Variants in ZNF423 observed in about 807,000 individuals in gnomAD.
ZNF423 encodes zinc finger protein 423, also known as Ebf-associated zinc finger protein.
ZNF423 carries 12 observed loss-of-function variants against 95.8 expected under a neutral mutation model. The observed-to-expected ratio is 0.13, with a 90% CI of 0.08 to 0.20. The LOEUF (loss-of-function observed/expected upper bound fraction) is 0.20. Among genes scored for constraint, ZNF423 ranks in the 10% least tolerant of loss-of-function variants. ZNF423 has a pLI of 1.00. For missense variants in ZNF423, 1,316 were observed against 1,737.1 expected, an observed-to-expected ratio of 0.76 and a Z score of 4.31; for synonymous variants, 749 against 711.9, an observed-to-expected ratio of 1.05 and a Z score of -0.83.
intron 3 of ZNF423, among the ~76,000 whole-genome samples, chr16:49,693,707 A>G (rs563721887): frequency 3.5e-4 from 54 of 152,300 alleles, no homozygotes; most frequent in Non-Finnish European, 6.2e-4. Flanking sequence ...GAGATGCTCT[A>G]CCTCAGCAAG....
chr16:49,642,773 G>T (rs1364686743), intron 3 of ZNF423, among the ~76,000 whole-genome samples: 1 of 151,840 alleles, frequency 6.6e-6, no homozygotes, highest in Non-Finnish European at 1.5e-5. Flanking sequence ...ATCTACAGGG[G>T]CGTCAGCAGA....
chr16:49,741,215 AG>A (rs1425986841), intron 2 of ZNF423, among the ~76,000 whole-genome samples: 1 of 151,480 alleles, frequency 6.6e-6, no homozygotes, highest in Admixed American at 6.6e-5. Flanking sequence ...TTTTTAAAGA[AG>A]AAAATCCATG....
chr16:49,630,652 G>A (rs1972465370), intron 4 of ZNF423, among the ~76,000 whole-genome samples: 1 of 152,080 alleles, frequency 6.6e-6, no homozygotes, highest in African/African-American at 2.4e-5. Flanking sequence ...CTGGTCCAGA[G>A]GCATGCAGGG....
Position 49,657,049 on chromosome 16 carries a change from T to C in ZNF423, c.302-18175A>G, listed in dbSNP as rs545700502. On this transcript the variant is annotated intron_variant, in intron 3 of 7. Transcript: ENST00000563137. ...GGGAAAGAGAGGGAGTGACACCCGT[T>C]CAGGGGCACAAGCATTCTGCCAAGG... 3.9e-5 allele frequency among the ~76,000 whole-genome samples: 6 copies of C among 152,230 alleles called. No individual in the cohort carries two copies. In the South Asian group the frequency reaches 1.2e-3, roughly 32 times the overall value.
chr16:49,528,347 C>G (rs554943495), intron 5 of ZNF423, among the ~76,000 whole-genome samples: 1 of 152,288 alleles, frequency 6.6e-6, no homozygotes, highest in East Asian at 1.9e-4. Context: ...AATATGTGCA[C>G]AGTCAGGCAG....
intron 5 of ZNF423, among the ~76,000 whole-genome samples, chr16:49,544,128 T>C (rs1012216488): frequency 8.5e-5 from 13 of 152,218 alleles, no homozygotes; most frequent in Admixed American, 6.5e-5. Flanking sequence ...CCAGGTATTG[T>C]GCTAAGCAGT....
intron 7 of ZNF423, among the ~76,000 whole-genome samples, chr16:49,520,156 T>C (rs1271275409): frequency 1.3e-5 from 2 of 152,188 alleles, no homozygotes; most frequent in East Asian, 3.9e-4. Context: ...TTCTTCATCT[T>C]TTCACCACTG....
chr16:49,635,585 G>T lies in ZNF423; in HGVS notation c.3516+75C>A. ...GCTTCTTGGAAACACGGCACTCAGGGTACGTGGCTCCTGTGGGGACCAGAG... is the reference window on the plus strand; with the variant it reads ...GCTTCTTGGAAACACGGCACTCAGGTTACGTGGCTCCTGTGGGGACCAGAG... On this transcript the variant is annotated intron_variant, in intron 4 of 7. Transcript: ENST00000563137. The surrounding 1 kb of genome is among the most constrained non-coding windows in gnomAD (Gnocchi z 4.8). The T allele has an allele frequency of 6.7e-7, 1 of 1,487,580 alleles. No homozygotes were observed. The highest frequency in any genetic ancestry group is 1.4e-5 in the South Asian group (1 of 71,448). 92.1% of individuals were successfully genotyped at this position (1,487,580 alleles called of 1,614,324 possible).
intron 2 of ZNF423, among the ~76,000 whole-genome samples, chr16:49,759,079 AT>A (rs35128719): frequency 6.6e-6 from 1 of 152,196 alleles, no homozygotes; most frequent in Non-Finnish European, 1.5e-5. Flanking sequence ...ATAAAACCAT[AT>A]TTTTAAAAAA....
At chr16:49,693,036 TG>T (rs2151947682) in intron 3 of ZNF423, among the ~76,000 whole-genome samples, 2 of 152,370 alleles carry the variant, frequency 1.3e-5, no homozygotes, top group Admixed American at 1.3e-4. Context: ...TTCACTTGCT[TG>T]GATGAGCCAT....
chr16:49,661,883 T>TCAC (rs1033603561), intron 3 of ZNF423, among the ~76,000 whole-genome samples: 57 of 152,268 alleles, frequency 3.7e-4, no homozygotes, highest in African/African-American at 1.2e-3. Context: ...TCTCTAATCT[T>TCAC]CACCAAGAGG....
At chr16:49,618,828 C>T (rs577196645) in intron 5 of ZNF423, among the ~76,000 whole-genome samples, 7 of 152,140 alleles carry the variant, frequency 4.6e-5, no homozygotes, top group African/African-American at 1.7e-4. Context: ...GTCTTCCTAA[C>T]TTCTCCCCCT....
chr16:49,502,910 G>A (rs1032265824), intron 7 of ZNF423, among the ~76,000 whole-genome samples: 4 of 68,168 alleles, frequency 5.9e-5, no homozygotes, highest in Non-Finnish European at 6.9e-5. Flanking sequence ...CCATGTGCAC[G>A]CATACACACA....
chr16:49,655,545 T>C (rs1395316213), intron 3 of ZNF423, among the ~76,000 whole-genome samples: 1 of 152,156 alleles, frequency 6.6e-6, no homozygotes, highest in East Asian at 1.9e-4. Context: ...ACGTGGGGGC[T>C]GAACACTCAA....
intron 5 of ZNF423, among the ~76,000 whole-genome samples, chr16:49,550,568 C>A (rs1322532166): frequency 6.6e-6 from 1 of 152,274 alleles, no homozygotes; most frequent in Non-Finnish European, 1.5e-5. Flanking sequence ...GCCTCCAGCT[C>A]TCTTTCTACA....
At chr16:49,707,429 C>T (rs965937352) in intron 3 of ZNF423, among the ~76,000 whole-genome samples, 28 of 152,064 alleles carry the variant, frequency 1.8e-4, no homozygotes, top group Non-Finnish European at 3.8e-4. Flanking sequence ...GCTTGGTCAA[C>T]ATCTTGAAAC....
At chr16:49,633,556 C>G (rs957194241) in intron 4 of ZNF423, among the ~76,000 whole-genome samples, 1 of 152,194 alleles carries the variant, frequency 6.6e-6, no homozygotes, top group African/African-American at 2.4e-5. Context: ...CCTCTGGCTT[C>G]GTAGTGGAAC....
intron 2 of ZNF423, among the ~76,000 whole-genome samples, chr16:49,766,353 G>A (rs1262074339): frequency 1.3e-5 from 2 of 152,218 alleles, no homozygotes; most frequent in Non-Finnish European, 2.9e-5. Flanking sequence ...GTGACAGGAA[G>A]GCTCCTCTCC....
chr16:49,493,449 C>G (rs1009991178), intron 7 of ZNF423, among the ~76,000 whole-genome samples: 1 of 152,200 alleles, frequency 6.6e-6, no homozygotes, highest in Non-Finnish European at 1.5e-5. Context: ...CTGTCCTGAC[C>G]ATACGCCTGG....
Sources: allele counts gnomAD v4.1 joint callset (sites outside exome capture counted in the v4.1 genomes callset), GRCh38; gene constraint gnomAD v4.1.1; non-coding constraint Gnocchi (gnomAD v3.1); transcripts MANE v1.5; gene names NCBI Gene and HGNC (gene_info 2026-07-23, HGNC 2026-07-21).